The following MCTP1 variants were observed in gnomAD, a reference collection of about 807,000 sequenced individuals.
MCTP1 encodes multiple C2 and transmembrane domain containing 1, also known as multiple C2 and transmembrane domain-containing protein 1.
A neutral mutation model predicts 120.6 loss-of-function variants in MCTP1; 69 were observed. The ratio of observed to expected loss-of-function variants is 0.57; its 90% confidence interval spans 0.47 to 0.70. The LOEUF is 0.70. Ranked by LOEUF, MCTP1 falls within the 30% of genes least tolerant of loss-of-function variation. The pLI is 0.00. For missense variants in MCTP1, 1,203 were observed against 1,248.8 expected, an observed-to-expected ratio of 0.96 and a Z score of 0.55; for synonymous variants, 529 against 493.1, an observed-to-expected ratio of 1.07 and a Z score of -0.96.
chr5:95,081,113 G>T (rs1312003640), intron 1 of MCTP1, among the ~76,000 whole-genome samples: 2 of 151,580 alleles, frequency 1.3e-5, no homozygotes, highest in African/African-American at 2.4e-5. Flanking sequence ...CTAAGAACCT[G>T]GTAACTACTA....
chr5:94,884,012 C>A (rs1185513913), intron 12 of MCTP1, among the ~76,000 whole-genome samples: 1 of 152,076 alleles, frequency 6.6e-6, no homozygotes, highest in African/African-American at 2.4e-5. Context: ...TCTGAATAGA[C>A]CCATAATGTT....
At chr5:95,087,645 AGTCC>A (rs1222398492) in intron 1 of MCTP1, among the ~76,000 whole-genome samples, 1 of 152,246 alleles carries the variant, frequency 6.6e-6, no homozygotes, top group Non-Finnish European at 1.5e-5. Flanking sequence ...TCCCATGGAC[AGTCC>A]GTCTCAGACC....
chr5:95,207,055 T>G (rs1360806544), intron 1 of MCTP1, among the ~76,000 whole-genome samples: 1 of 152,218 alleles, frequency 6.6e-6, no homozygotes, highest in Non-Finnish European at 1.5e-5. Context: ...TTATTGTTGT[T>G]GTTTTTACTA....
At chr5:95,231,011 G>C (rs977426099) in intron 1 of MCTP1, among the ~76,000 whole-genome samples, 7 of 152,116 alleles carry the variant, frequency 4.6e-5, no homozygotes, top group African/African-American at 1.4e-4. Flanking sequence ...GATGGAAATG[G>C]CTATTGACAT....
intron 17 of MCTP1, among the ~76,000 whole-genome samples, chr5:94,810,967 A>T (rs930387989): frequency 4.6e-5 from 7 of 152,194 alleles, no homozygotes; most frequent in African/African-American, 1.4e-4. Flanking sequence ...ACCTAATAAT[A>T]TCATACATTT....
chr5:94,919,071 C>T lies in MCTP1; in HGVS notation c.1273-1098G>A, dbSNP rs577592940. Among the ~76,000 whole-genome samples, 4 of 152,260 alleles carry T rather than the reference C, an allele frequency of 2.6e-5. No homozygotes were observed. The East Asian group carries it at 7.7e-4, about 29-fold the overall frequency. ...AATTGGTATAGGAGTTTTCAAAATA[C>T]TTTGCCTGTCACTTAGGTGAAATGT... On this transcript the variant is annotated intron_variant, in intron 7 of 22. Coordinates refer to ENST00000515393, the MANE Select transcript of MCTP1 (RefSeq NM_024717.7).
At chr5:94,998,644 T>G (rs1326991035) in intron 2 of MCTP1, among the ~76,000 whole-genome samples, 2 of 152,194 alleles carry the variant, frequency 1.3e-5, no homozygotes, top group Non-Finnish European at 2.9e-5. Context: ...CATTCTTTGC[T>G]GATAAGCAGC....
At chr5:95,057,009 T>C (rs1165667701) in intron 1 of MCTP1, among the ~76,000 whole-genome samples, 1 of 152,168 alleles carries the variant, frequency 6.6e-6, no homozygotes, top group Admixed American at 6.5e-5. Context: ...TGCTTATAGA[T>C]ATATACATAT....
At position 94,780,528 on chromosome 5, in the gene MCTP1, C is replaced by A. The variant is rs372391041; in HGVS notation, c.2557-1365G>T. On this transcript the variant is annotated intron_variant, in intron 18 of 22. Transcript: ENST00000515393. ...CTTAATTTAATGTCATGCTTTAAATCTTCTGTTAAATGGTAGAATTTTGAG... is the reference window on the plus strand; with the variant it reads ...CTTAATTTAATGTCATGCTTTAAATATTCTGTTAAATGGTAGAATTTTGAG... 4.6e-5 allele frequency among the ~76,000 whole-genome samples: 7 copies of A among 152,228 alleles called. No individual in the cohort carries two copies. In the East Asian group the frequency reaches 1.4e-3, roughly 29 times the overall value.
intron 1 of MCTP1, among the ~76,000 whole-genome samples, chr5:95,151,397 G>A (rs1191064196): frequency 6.6e-6 from 1 of 152,082 alleles, no homozygotes; most frequent in Non-Finnish European, 1.5e-5. Flanking sequence ...AGTAGGTTGA[G>A]AAGGAGAAGG....
At chr5:94,761,193 A>T (rs1470824610) in intron 19 of MCTP1, among the ~76,000 whole-genome samples, 2 of 152,174 alleles carry the variant, frequency 1.3e-5, no homozygotes, top group Non-Finnish European at 2.9e-5. Context: ...CCAGTAGGCA[A>T]AGTCTGGCTT....
chr5:95,026,483 ACTCT>A (rs1328060649), intron 1 of MCTP1, among the ~76,000 whole-genome samples: 2 of 151,716 alleles, frequency 1.3e-5, no homozygotes, highest in Non-Finnish European at 2.9e-5. Flanking sequence ...CCATCCTTCT[ACTCT>A]CTATCTCCAT....
intron 2 of MCTP1, among the ~76,000 whole-genome samples, chr5:94,971,228 T>A (rs1826788351): frequency 6.6e-6 from 1 of 152,128 alleles, no homozygotes; most frequent in South Asian, 2.1e-4. Flanking sequence ...GAATAAGCCA[T>A]TCCACATAAA....
At chr5:94,903,794 T>C (rs960370234) in intron 10 of MCTP1, among the ~76,000 whole-genome samples, 3 of 152,202 alleles carry the variant, frequency 2.0e-5, no homozygotes, top group Non-Finnish European at 4.4e-5. Context: ...TAATAAATAA[T>C]GCTGTAAATC....
chr5:94,708,349 C>T (rs1755415911), intron 22 of MCTP1, 163 bp downstream of exon 22: 3 of 513,532 alleles, frequency 5.8e-6, no homozygotes, highest in African/African-American at 1.9e-5. Context: ...TTGGATAACA[C>T]CCCAGGTGGG....
Position 95,243,045 on chromosome 5 carries a change from A to G in MCTP1, c.720+40811T>C, listed in dbSNP as rs749155496. Among the ~76,000 whole-genome samples, 42 of 152,228 alleles carry G rather than the reference A, an allele frequency of 2.8e-4. 1 individual carries two copies. The highest frequency in any genetic ancestry group is 1.5e-4 in the Non-Finnish European group (10 of 68,030). ...GATGAATCCCAGCACTAGGAGGGAC[A>G]CAGAGACATGACATGAGGACCCTGA... On this transcript the variant is annotated intron_variant, in intron 1 of 22. Transcript: ENST00000515393.
intron 17 of MCTP1, among the ~76,000 whole-genome samples, chr5:94,817,014 C>A (rs566802077): frequency 1.3e-5 from 2 of 152,252 alleles, no homozygotes; most frequent in South Asian, 4.1e-4. Context: ...CTCTTGATAA[C>A]AGGTACTGAA....
chr5:95,158,655 A>G (rs1347386129), intron 1 of MCTP1, among the ~76,000 whole-genome samples: 1 of 152,084 alleles, frequency 6.6e-6, no homozygotes, highest in Non-Finnish European at 1.5e-5. Flanking sequence ...GACATGTGCA[A>G]TGGCTCATGC....
At chr5:94,723,567 T>A (rs920957670) in intron 19 of MCTP1, among the ~76,000 whole-genome samples, 3 of 150,582 alleles carry the variant, frequency 2.0e-5, no homozygotes, top group African/African-American at 7.3e-5. Context: ...TTTTTTTTTG[T>A]TTTGTTTTTG....
Sources: allele counts gnomAD v4.1 joint callset (sites outside exome capture counted in the v4.1 genomes callset), GRCh38; gene constraint gnomAD v4.1.1; transcripts MANE v1.5; gene names NCBI Gene and HGNC (gene_info 2026-07-23, HGNC 2026-07-21).